NBPF12: variants seen among roughly 807,000 people sequenced by gnomAD.
NBPF12 encodes NBPF member 12.
In NBPF12, 115 loss-of-function variants were observed where a neutral mutation model predicts 146.4. That is an observed-to-expected ratio of 0.79 (90% CI 0.68 to 0.92). The LOEUF (loss-of-function observed/expected upper bound fraction) is 0.92. Ranked by LOEUF, NBPF12 falls within the 40% of genes least tolerant of loss-of-function variation. The pLI is 0.00. For synonymous variants in NBPF12, 385 were observed against 508.9 expected, an observed-to-expected ratio of 0.76 and a Z score of 3.28; for missense variants, 1,205 against 1,326.8, an observed-to-expected ratio of 0.91 and a Z score of 1.43.
At chr1:146,973,969 C>T (rs1359363185) in intron 14 of NBPF12, among the ~76,000 whole-genome samples, 1 of 150,772 alleles carries the variant, frequency 6.6e-6, no homozygotes, top group Non-Finnish European at 1.5e-5. Flanking sequence ...CTCCTGGGCT[C>T]CATCCAAGTT....
chr1:146,969,998 C>G (rs1250345365), intron 11 of NBPF12, among the ~76,000 whole-genome samples: 2 of 150,142 alleles, frequency 1.3e-5, no homozygotes, highest in African/African-American at 2.5e-5. Context: ...GAGTTTCTCT[C>G]TCTCCATCTG....
intron 5 of NBPF12, among the ~76,000 whole-genome samples, chr1:146,962,699 C>T (rs1273186745): frequency 6.7e-6 from 1 of 148,504 alleles, no homozygotes; most frequent in African/African-American, 2.5e-5. Context: ...TTCAATTCGC[C>T]CCATCTGCAC....
intron 12 of NBPF12, among the ~76,000 whole-genome samples, chr1:146,970,950 T>A (rs1656570637): frequency 6.6e-6 from 1 of 151,250 alleles, no homozygotes; most frequent in African/African-American, 2.5e-5. Flanking sequence ...CCTCCTCAGC[T>A]CCTATTTGTC....
At chr1:146,952,038 G>A (rs1459168454) in intron 2 of NBPF12, 1 of 154,636 alleles carries the variant, frequency 6.5e-6, no homozygotes, top group African/African-American at 2.4e-5. Context: ...ACATTTGGAG[G>A]TAATTCAGTA....
intron 1 of NBPF12, among the ~76,000 whole-genome samples, chr1:146,939,780 G>C (rs1262602938): frequency 7.2e-5 from 11 of 151,998 alleles, no homozygotes; most frequent in African/African-American, 2.4e-4. Flanking sequence ...TCAGGAGATT[G>C]AGACCATCCT....
rs1354762723 is a variant in NBPF12, at chr1:146,984,603, G to C, written c.2667-210G>C. On this transcript the variant is annotated intron_variant, in intron 21 of 33. Transcript: ENST00000617844. ...TGTGTGTGTGTGTGTGTGTGTGTGT[G>C]TGTGTGTGTGTGTGTGTGTGTCTTT... 1.6e-4 allele frequency among the ~76,000 whole-genome samples: 24 copies of C among 145,926 alleles called. 1 individual carries two copies. The South Asian group carries it at 4.1e-3, about 25-fold the overall frequency.
exon 9 of NBPF12, chr1:146,966,466 C>T: frequency 7.4e-7 from 1 of 1,359,560 alleles, no homozygotes; most frequent in Non-Finnish European, 1.1e-6. Flanking sequence ...CTCCCCAGTC[C>T]CTGGCCCCAC....
rs1452231623 is a variant in NBPF12, at chr1:146,984,141, G to C, written c.2622G>C (p.Arg874=). The change falls in exon 21 of 34, where the codon CGG becomes CGC. Residue 874 remains arginine, a synonymous_variant. Transcript: ENST00000617844. ...ATCTGAATTTATTTGCAGGACATCG[G>C]TGGGATCAAGTGAAAAAGGAGGACC... The C allele has an allele frequency of 2.0e-5, 18 of 899,108 alleles. 1 individual carries two copies. Among genetic ancestry groups the C allele is most frequent in the East Asian group, 1.8e-4 (7 of 38,290 alleles). The allele number at this position is 899,108 out of a possible 1,614,324, so 55.7% of individuals were successfully genotyped here. A position where few individuals can be genotyped will look rare whatever the true frequency, so the allele number is the denominator to read the frequency against.
At position 146,989,570 on chromosome 1, in the gene NBPF12, C is replaced by A. The variant is rs1257670556; in HGVS notation, c.3399-4C>A. 4.7e-5 allele frequency: 70 copies of A among 1,474,028 alleles called. No homozygotes were observed. Among genetic ancestry groups the A allele is most frequent in the Non-Finnish European group, 7.6e-6 (8 of 1,055,076 alleles). The allele number at this position is 1,474,028 out of a possible 1,614,324, so 91.3% of individuals were successfully genotyped here. ...CTTATTCTTTACTTTTTCCCACTTT[C>A]CAGGCTCAGCAGGGAGCTGCTGGCT... On this transcript the variant is annotated splice_region_variant and splice_polypyrimidine_tract_variant and intron_variant, in intron 27 of 33. Transcript: ENST00000617844.
chr1:146,954,969 A>AATATATATATATATATAT (rs1171967177), intron 2 of NBPF12, among the ~76,000 whole-genome samples: 1 of 53,498 alleles, frequency 1.9e-5, no homozygotes, highest in Non-Finnish European at 3.5e-5. Flanking sequence ...CCAAATAGGG[A>AATATATATATATATATAT]ATATATATAT....
At chr1:146,953,888 A>G (rs1363579143) in intron 2 of NBPF12, among the ~76,000 whole-genome samples, 1 of 151,982 alleles carries the variant, frequency 6.6e-6, no homozygotes, top group East Asian at 1.9e-4. Flanking sequence ...AGCTGTCTTT[A>G]TTCACAGATA....
At chr1:146,952,221 G>C (rs1402843889) in intron 2 of NBPF12, among the ~76,000 whole-genome samples, 2 of 152,062 alleles carry the variant, frequency 1.3e-5, no homozygotes, top group East Asian at 1.9e-4. Flanking sequence ...AGGTGAAGAA[G>C]CATCTTGCAG....
intron 15 of NBPF12, among the ~76,000 whole-genome samples, chr1:146,975,288 G>A (rs1656913041): frequency 1.6e-5 from 2 of 128,468 alleles, no homozygotes; most frequent in Non-Finnish European, 3.2e-5. Context: ...CGCCCTATCT[G>A]CATCTGGCCT....
chr1:146,939,108 ACTGC>A, intron 1 of NBPF12, 96 bp downstream of exon 1: 1 of 152,120 alleles, frequency 6.6e-6, no homozygotes, highest in Non-Finnish European at 1.5e-5. Flanking sequence ...TGCGCCGGGC[ACTGC>A]CGGGCTCCGC....
chr1:146,973,888 G>A (rs1246745156), intron 14 of NBPF12, among the ~76,000 whole-genome samples: 2 of 150,136 alleles, frequency 1.3e-5, no homozygotes, highest in African/African-American at 5.0e-5. Context: ...TTCCTAAAGA[G>A]GAAGAAAGAT....
At chr1:146,941,021 T>G (rs1165202542) in intron 1 of NBPF12, among the ~76,000 whole-genome samples, 2 of 152,148 alleles carry the variant, frequency 1.3e-5, no homozygotes, top group Non-Finnish European at 2.9e-5. Context: ...GCATTTCTCT[T>G]TTTTCAATCT....
At chr1:146,964,534 T>A in intron 7 of NBPF12, 105 bp downstream of exon 10, 1 of 1,560,754 alleles carries the variant, frequency 6.4e-7, no homozygotes, top group South Asian at 1.1e-5. Flanking sequence ...CCGCATTCCC[T>A]TGGCCACAGT....
At chr1:146,941,657 G>A (rs1441906408) in intron 1 of NBPF12, among the ~76,000 whole-genome samples, 15 of 146,582 alleles carry the variant, frequency 1.0e-4, no homozygotes, top group Non-Finnish European at 1.0e-4. Context: ...AGGAGGCTGA[G>A]GCAGGAGAAT....
chr1:146,973,984 G>C (rs1656827401), intron 14 of NBPF12, among the ~76,000 whole-genome samples: 1 of 150,850 alleles, frequency 6.6e-6, no homozygotes, highest in Non-Finnish European at 1.5e-5. Flanking sequence ...CAAGTTGCTT[G>C]TCTTGTCTGT....
Sources: allele counts gnomAD v4.1 joint callset (sites outside exome capture counted in the v4.1 genomes callset), GRCh38; gene constraint gnomAD v4.1.1; transcripts MANE v1.5; gene names NCBI Gene and HGNC (gene_info 2026-07-23, HGNC 2026-07-21).